The following ENTPD3 variants were observed in gnomAD, a reference collection of about 807,000 sequenced individuals.
ENTPD3 encodes the protein ectonucleoside triphosphate diphosphohydrolase 3, also known as CD39 antigen-like 3.
In ENTPD3, 60 loss-of-function variants were observed where a neutral mutation model predicts 51.2. The ratio of observed to expected loss-of-function variants is 1.17; its 90% CI spans 0.95 to 1.45. ENTPD3 has a LOEUF of 1.45. Among genes scored for constraint, ENTPD3 ranks in the 40% most tolerant of loss-of-function variants. The pLI, the probability that ENTPD3 is intolerant of heterozygous loss-of-function variation, is 0.00. For missense variants in ENTPD3, 593 were observed against 641.1 expected (o/e 0.93, Z 0.81); for synonymous variants, 221 against 238.4 (o/e 0.93, Z 0.67).
chr3:40,415,871 A>G lies in ENTPD3; in HGVS notation c.629A>G (p.His210Arg). 1 of 1,614,078 alleles carries G rather than the reference A, an allele frequency of 6.2e-7. No individual in the cohort carries two copies. The highest frequency in any genetic ancestry group is 8.5e-7 in the Non-Finnish European group (1 of 1,179,968). The part of the protein sequence containing the change: ...KNLWHMWVHP[H>R]GVETTGALDL... ...CTGTGGCACATGTGGGTGCACCCGCATGGAGTGGAAACCACGGGTGCCCTG... is the reference window on the plus strand; with the variant it reads ...CTGTGGCACATGTGGGTGCACCCGCGTGGAGTGGAAACCACGGGTGCCCTG... The change falls in exon 7 of 11, where the codon CAT becomes CGT. Residue 210 changes from histidine (H) to arginine (R), a missense_variant. Coordinates refer to ENST00000301825, the MANE Select transcript of ENTPD3 (RefSeq NM_001248.4).
At chr3:40,388,592 A>ACC (rs1235712762) in intron 2 of ENTPD3, among the ~76,000 whole-genome samples, 7 of 132,190 alleles carry the variant, frequency 5.3e-5, no homozygotes, top group Non-Finnish European at 7.6e-5. Flanking sequence ...ACAGACACAC[A>ACC]CACACACACA....
At chr3:40,404,375 CCT>C (rs1314851049) in intron 4 of ENTPD3, among the ~76,000 whole-genome samples, 1 of 152,180 alleles carries the variant, frequency 6.6e-6, no homozygotes, top group African/African-American at 2.4e-5. Context: ...AATCAGAGCT[CCT>C]GGTGGATCCT....
chr3:40,406,036 A>C lies in ENTPD3; in HGVS notation c.286+5025A>C, dbSNP rs1032556754. Among the ~76,000 whole-genome samples the C allele has an allele frequency of 2.0e-5, 3 of 152,238 alleles. No individual in the cohort carries two copies. The South Asian group carries it at 6.2e-4, about 32-fold the overall frequency. ...TTATGAGACTTGCATTCCAATGAGG[A>C]AGATAGACAAAAAAATAAACGGGCA... On this transcript the variant is annotated intron_variant, in intron 4 of 10. Coordinates refer to ENST00000301825, the MANE Select transcript of ENTPD3 (RefSeq NM_001248.4).
chr3:40,388,587 C>CACACAT (rs1309917815), intron 2 of ENTPD3, among the ~76,000 whole-genome samples: 3 of 90,908 alleles, frequency 3.3e-5, no homozygotes, highest in Non-Finnish European at 5.9e-5. Flanking sequence ...CACACACAGA[C>CACACAT]ACACACACAC....
chr3:40,424,234 A>G, intron 10 of ENTPD3: 1 of 876,418 alleles, frequency 1.1e-6, no homozygotes. Context: ...TGGTATCTTC[A>G]TATTCCCAGC....
In ENTPD3 at chr3:40,400,922, C is replaced by T. The variant is rs989632285; in HGVS notation, c.197C>T (p.Ser66Leu). 9.3e-5 allele frequency: 150 copies of T among 1,613,620 alleles called. No individual in the cohort carries two copies. The highest frequency in any genetic ancestry group is 1.2e-4 in the Non-Finnish European group (142 of 1,179,976). Reference sequence around the variant, plus strand: ...GGTATTGTGCTGGATGCCGGGTCTTCAAGAACCACAGTCTACGTGTATCAA... The same window carrying T: ...GGTATTGTGCTGGATGCCGGGTCTTTAAGAACCACAGTCTACGTGTATCAA... ...KYGIVLDAGS[S>L]RTTVYVYQWP... is the part of the protein sequence containing the mutation. Residue 66 changes from serine (S) to leucine (L), a missense_variant, in exon 4 of 11, where the codon TCA becomes TTA. Physicochemically the swap from Ser to Leu is moderately radical, Grantham distance 145. Coordinates refer to ENST00000301825, the MANE Select transcript of ENTPD3 (RefSeq NM_001248.4).
intron 7 of ENTPD3, among the ~76,000 whole-genome samples, chr3:40,421,018 A>C (rs1955858913): frequency 6.7e-6 from 1 of 148,420 alleles, no homozygotes; most frequent in Non-Finnish European, 1.5e-5. Context: ...ATAATTAATT[A>C]ATTTAAATTT....
chr3:40,420,397 A>G (rs1325673666), intron 7 of ENTPD3, among the ~76,000 whole-genome samples: 1 of 151,440 alleles, frequency 6.6e-6, no homozygotes, highest in African/African-American at 2.4e-5. Context: ...CACCATGCCC[A>G]GCTAATTTTT....
chr3:40,395,967 T>C (rs751675740), intron 3 of ENTPD3, among the ~76,000 whole-genome samples: 3 of 152,052 alleles, frequency 2.0e-5, no homozygotes, highest in Non-Finnish European at 4.4e-5. Flanking sequence ...ATAGCAGAAC[T>C]GGTGTAAAGG....
At chr3:40,425,464 AGACTT>A (rs1198095067) in intron 10 of ENTPD3, among the ~76,000 whole-genome samples, 4 of 152,272 alleles carry the variant, frequency 2.6e-5, no homozygotes, top group Admixed American at 2.6e-4. Flanking sequence ...AGGTGTAAAA[AGACTT>A]GAGAAGATTT....
chr3:40,387,931 T>G, intron 1 of ENTPD3, 115 bp from the exon 2 acceptor site: 4 of 771,236 alleles, frequency 5.2e-6, no homozygotes, highest in East Asian at 2.6e-5. Context: ...TTTCCCGGGA[T>G]GAGGTTTTGA....
At chr3:40,399,919 CTTT>C (rs1205212033) in intron 3 of ENTPD3, among the ~76,000 whole-genome samples, 1 of 152,030 alleles carries the variant, frequency 6.6e-6, no homozygotes, top group African/African-American at 2.4e-5. Flanking sequence ...TTTTATTTTG[CTTT>C]TTTTCTCCTT....
intron 4 of ENTPD3, among the ~76,000 whole-genome samples, chr3:40,406,917 C>T (rs536209949): frequency 6.6e-6 from 1 of 152,188 alleles, no homozygotes; most frequent in East Asian, 1.9e-4. Flanking sequence ...GTTAAGAAAC[C>T]TTGGTTTACG....
At chr3:40,393,118 G>A (rs1235403721) in intron 3 of ENTPD3, among the ~76,000 whole-genome samples, 3 of 152,108 alleles carry the variant, frequency 2.0e-5, no homozygotes, top group South Asian at 4.2e-4. Context: ...TGGCTCTGAG[G>A]GTGCCCTTGG....
Position 40,427,783 on chromosome 3 carries a change from T to G in ENTPD3, c.*275T>G. ...GCCACGAAGGTCAGGCTCTTTATATTAAGTTCCCCAGAGGAAGAGTAAGTT... is the reference window on the plus strand; with the variant it reads ...GCCACGAAGGTCAGGCTCTTTATATGAAGTTCCCCAGAGGAAGAGTAAGTT... On this transcript the variant is annotated 3_prime_UTR_variant, in exon 11 of 11. Coordinates refer to ENST00000301825, the MANE Select transcript of ENTPD3 (RefSeq NM_001248.4). 1 of 456,386 alleles carries G rather than the reference T, an allele frequency of 2.2e-6. No individual in the cohort carries two copies. Among genetic ancestry groups the G allele is most frequent in the Non-Finnish European group, 4.0e-6 (1 of 251,486 alleles). 28.3% of individuals were successfully genotyped at this position (456,386 alleles called of 1,614,324 possible). A position where few individuals can be genotyped will look rare whatever the true frequency, so the allele number is the denominator to read the frequency against.
chr3:40,412,364 A>G (rs1341442677), intron 5 of ENTPD3, among the ~76,000 whole-genome samples: 3 of 152,210 alleles, frequency 2.0e-5, no homozygotes, highest in Non-Finnish European at 2.9e-5. Context: ...ACAAAATACC[A>G]CTGAAATCTG....
chr3:40,396,719 T>G (rs1257580512), intron 3 of ENTPD3, among the ~76,000 whole-genome samples: 2 of 152,138 alleles, frequency 1.3e-5, no homozygotes, highest in Non-Finnish European at 2.9e-5. Flanking sequence ...TCCAATACCT[T>G]CCTCTTGAGG....
At chr3:40,400,501 A>G (rs1955326850) in intron 3 of ENTPD3, among the ~76,000 whole-genome samples, 1 of 152,120 alleles carries the variant, frequency 6.6e-6, no homozygotes, top group African/African-American at 2.4e-5. Flanking sequence ...TGCAAGATCC[A>G]TCATGAAGTA....
chr3:40,397,457 T>G (rs1955233330), intron 3 of ENTPD3, among the ~76,000 whole-genome samples: 1 of 152,112 alleles, frequency 6.6e-6, no homozygotes, highest in Non-Finnish European at 1.5e-5. Context: ...GGGCATTTAC[T>G]TACTACTGTA....
Sources: gnomAD v4.1 joint callset for allele counts (sites outside exome capture counted in the v4.1 genomes callset) on GRCh38, gnomAD v4.1.1 for gene constraint, MANE v1.5 for transcripts, NCBI Gene and HGNC (gene_info 2026-07-23, HGNC 2026-07-21) for gene names.